Variants in PEAK1 observed in about 807,000 individuals in gnomAD.
PEAK1 encodes the protein pseudopodium enriched atypical kinase 1.
PEAK1 carries 54 observed loss-of-function variants against 124.7 expected under a neutral mutation model. The ratio of observed to expected loss-of-function variants is 0.43; its 90% CI spans 0.35 to 0.54. PEAK1 has a LOEUF of 0.54. Ranked by LOEUF, PEAK1 falls within the 20% of genes least tolerant of loss-of-function variation. The pLI, the probability that PEAK1 is intolerant of heterozygous loss-of-function variation, is 0.01. For missense variants in PEAK1, 2,046 were observed against 2,134.5 expected (o/e 0.96, Z 0.82); for synonymous variants, 719 against 760.0 (o/e 0.95, Z 0.89).
intron 9 of PEAK1, among the ~76,000 whole-genome samples, chr15:77,116,697 AATCAATCTATCTATCTATCTATCT>A (rs1210174169): frequency 7.3e-6 from 1 of 137,058 alleles, no homozygotes; most frequent in Non-Finnish European, 1.6e-5. Context: ...CATGGAAATC[AATCAATCTATCTATCTATCTATCT>A]ATCTATCTAT....
chr15:77,388,948 C>G (rs922736915), intron 1 of PEAK1, among the ~76,000 whole-genome samples: 1 of 150,586 alleles, frequency 6.6e-6, no homozygotes, highest in African/African-American at 2.5e-5. Flanking sequence ...GCCTGTCTAC[C>G]TTCTTTTGCT....
chr15:77,127,069 G>T (rs2052436341), intron 9 of PEAK1, among the ~76,000 whole-genome samples: 1 of 152,182 alleles, frequency 6.6e-6, no homozygotes, highest in Non-Finnish European at 1.5e-5. Flanking sequence ...TAAGAGTGGG[G>T]CCATGATGTG....
intron 2 of PEAK1, among the ~76,000 whole-genome samples, chr15:77,297,915 G>A (rs2063571540): frequency 1.3e-5 from 2 of 150,100 alleles, no homozygotes; most frequent in Non-Finnish European, 3.0e-5. Context: ...AAAATTAGCC[G>A]GGCTTGGTGG....
chr15:77,366,827 G>T (rs2141630931), intron 1 of PEAK1, among the ~76,000 whole-genome samples: 1 of 152,328 alleles, frequency 6.6e-6, no homozygotes, highest in East Asian at 1.9e-4. Flanking sequence ...CTCCCAAAGT[G>T]CTGGGATTAC....
chr15:77,215,210 C>T lies in PEAK1; in HGVS notation c.-114-33170G>A, dbSNP rs190525523. Among the ~76,000 whole-genome samples, 23 of 152,260 alleles carry T rather than the reference C, an allele frequency of 1.5e-4. No individual in the cohort carries two copies. The East Asian group carries it at 3.7e-3, about 24-fold the overall frequency. On this transcript the variant is annotated intron_variant, in intron 6 of 9. Coordinates refer to ENST00000682557, the MANE Select transcript of PEAK1 (RefSeq NM_001385026.1). ...CCATTCATATATTTACTGTGAAGTT[C>T]ATGTTCAAATCATTTGCCCATTTTA...
At chr15:77,222,798 T>C (rs2292594) in intron 6 of PEAK1, among the ~76,000 whole-genome samples, 33,902 of 151,840 alleles carry the variant, frequency 0.22, 4,220 homozygotes, top group Middle Eastern at 0.3. Context: ...TTCTTTGCCA[T>C]AGAAAGCATA....
intron 6 of PEAK1, among the ~76,000 whole-genome samples, chr15:77,217,360 T>G (rs2059195724): frequency 6.6e-6 from 1 of 152,066 alleles, no homozygotes; most frequent in Non-Finnish European, 1.5e-5. Context: ...TGACAACAGT[T>G]TTTTGGGATG....
chr15:77,188,411 C>T (rs1479475887), intron 6 of PEAK1, among the ~76,000 whole-genome samples: 2 of 152,282 alleles, frequency 1.3e-5, no homozygotes, highest in East Asian at 1.9e-4. Flanking sequence ...AATTCAAACT[C>T]TTTGACGAAT....
At position 77,380,941 on chromosome 15, in the gene PEAK1, A is replaced by G. The variant is rs534758601; in HGVS notation, c.-665-15716T>C. ...TTAGGAGGGACTTATTTGTCAGGTAATTTCAGAGTGAAGCATAACTGCCAG... is the reference window on the plus strand; with the variant it reads ...TTAGGAGGGACTTATTTGTCAGGTAGTTTCAGAGTGAAGCATAACTGCCAG... On this transcript the variant is annotated intron_variant, in intron 1 of 9. Transcript: ENST00000682557. 9.8e-4 allele frequency among the ~76,000 whole-genome samples: 150 copies of G among 152,314 alleles called. No homozygotes were observed. In the South Asian group the frequency reaches 0.03, roughly 31 times the overall value.
intron 6 of PEAK1, among the ~76,000 whole-genome samples, chr15:77,229,738 C>T (rs1045005852): frequency 6.6e-6 from 1 of 151,906 alleles, no homozygotes; most frequent in Admixed American, 6.6e-5. Context: ...ACCTCTCCCT[C>T]CCGGATTCAA....
intron 6 of PEAK1, among the ~76,000 whole-genome samples, chr15:77,236,385 T>G (rs1237058889): frequency 6.6e-6 from 1 of 152,236 alleles, no homozygotes; most frequent in Admixed American, 6.5e-5. Flanking sequence ...ATTTTGGGAC[T>G]TTAAGATTTA....
chr15:77,186,311 A>G (rs1047254736), intron 6 of PEAK1, among the ~76,000 whole-genome samples: 1 of 152,208 alleles, frequency 6.6e-6, no homozygotes, highest in African/African-American at 2.4e-5. Context: ...GTAGTACAAT[A>G]TATTTGCTTT....
intron 6 of PEAK1, among the ~76,000 whole-genome samples, chr15:77,250,095 G>T (rs1002090179): frequency 6.8e-6 from 1 of 147,608 alleles, no homozygotes; most frequent in African/African-American, 2.6e-5. Flanking sequence ...GCCACAAGTA[G>T]AGGTTTAACC....
intron 2 of PEAK1, among the ~76,000 whole-genome samples, chr15:77,300,805 C>T (rs913111508): frequency 3.3e-5 from 5 of 152,050 alleles, no homozygotes; most frequent in African/African-American, 1.2e-4. Flanking sequence ...GCTGTTATAA[C>T]AAATTACCAT....
intron 1 of PEAK1, chr15:77,418,283 TG>T (rs1330645629): frequency 1.0e-6 from 1 of 985,324 alleles, no homozygotes; most frequent in African/African-American, 1.7e-5. Context: ...GGACAGGAGA[TG>T]GGGGGTAGTG....
intron 6 of PEAK1, among the ~76,000 whole-genome samples, chr15:77,205,278 A>T (rs200444672): frequency 0.2 from 28,603 of 143,250 alleles, 3,144 homozygotes; most frequent in Middle Eastern, 0.26. Flanking sequence ...CTTTTTTTAA[A>T]AAAAAAAAAA....
intron 9 of PEAK1, among the ~76,000 whole-genome samples, chr15:77,120,113 T>C (rs1321943232): frequency 1.3e-5 from 2 of 152,232 alleles, no homozygotes; most frequent in Admixed American, 6.5e-5. Context: ...TTGAATGGCA[T>C]GGTGTTACTC....
rs11631909 is a variant in PEAK1, at chr15:77,286,403, T to C, written c.-521+20A>G. 0.34 allele frequency: 396,717 copies of C among 1,156,712 alleles called. 71,690 individuals carry two copies. The highest frequency in any genetic ancestry group is 0.37 in the Non-Finnish European group (342,064 of 920,098). The allele number at this position is 1,156,712 out of a possible 1,614,324, so 71.7% of individuals were successfully genotyped here. Reference sequence around the variant, plus strand: ...AGACCAGAATAAACATGTTACATTATGGAAAGAAAAAGTACAAACCTGGTT... The same window carrying C: ...AGACCAGAATAAACATGTTACATTACGGAAAGAAAAAGTACAAACCTGGTT... On this transcript the variant is annotated intron_variant, in intron 3 of 9. Transcript: ENST00000682557.
intron 1 of PEAK1, among the ~76,000 whole-genome samples, chr15:77,376,757 G>C (rs1031974796): frequency 1.3e-5 from 2 of 152,088 alleles, no homozygotes; most frequent in African/African-American, 4.8e-5. Context: ...AAAAACACAA[G>C]CATCCTTCAC....
Sources: allele counts gnomAD v4.1 joint callset (sites outside exome capture counted in the v4.1 genomes callset), GRCh38; gene constraint gnomAD v4.1.1; transcripts MANE v1.5; gene names NCBI Gene and HGNC (gene_info 2026-07-23, HGNC 2026-07-21).